Variants in CNOT4 observed in about 807,000 individuals in gnomAD.
CNOT4 encodes the protein CCR4-NOT transcription complex subunit 4, also known as CCR4-associated factor 4.
A neutral mutation model predicts 73.8 loss-of-function variants in CNOT4; 8 were observed. That is an observed-to-expected ratio of 0.11 (90% CI 0.06 to 0.20). The LOEUF is 0.20. Among genes scored for constraint, CNOT4 ranks in the 10% least tolerant of loss-of-function variants. The pLI is 1.00. For synonymous variants in CNOT4, 293 were observed against 321.1 expected (o/e 0.91, Z 0.94); for missense variants, 564 against 883.4 (o/e 0.64, Z 4.58).
chr7:135,461,475 T>C (rs1023793371), intron 1 of CNOT4, among the ~76,000 whole-genome samples: 1 of 152,068 alleles, frequency 6.6e-6, no homozygotes, highest in African/African-American at 2.4e-5. Flanking sequence ...ATAAATATCA[T>C]CATCGAATTG....
In CNOT4 at chr7:135,363,687, G is replaced by A. The variant is rs551424699; in HGVS notation, c.1840+167C>T. ...CTTCTTATTAATACACAACTAGGCC[G>A]ACAGGTTAAATGAGACTTGCATGAC... On this transcript the variant is annotated intron_variant, in intron 11 of 11. Transcript: ENST00000541284. This position sits in a 1 kb window ranked among gnomAD's most constrained non-coding sequence, Gnocchi z 4.3. Among the ~76,000 whole-genome samples, 8 of 152,146 alleles carry A rather than the reference G, an allele frequency of 5.3e-5. No homozygotes were observed. The East Asian group carries it at 5.8e-4, about 11-fold the overall frequency.
intron 10 of CNOT4, chr7:135,388,986 A>G: frequency 8.5e-7 from 1 of 1,170,830 alleles, no homozygotes; most frequent in Non-Finnish European, 1.2e-6. Flanking sequence ...ATACTGATAC[A>G]TATATAAAAT....
intron 1 of CNOT4, among the ~76,000 whole-genome samples, chr7:135,465,754 T>A (rs564310368): frequency 2.8e-3 from 420 of 152,122 alleles, no homozygotes; most frequent in Non-Finnish European, 4.4e-3. Context: ...TTTTTTTTTT[T>A]AATTAAAATA....
At chr7:135,388,070 G>A (rs1355542386) in intron 10 of CNOT4, 3 of 985,250 alleles carry the variant, frequency 3.0e-6, no homozygotes, top group Non-Finnish European at 2.4e-6. Flanking sequence ...ACTATAAACT[G>A]AAGTTCTGTT....
At chr7:135,503,067 C>T (rs560600028) in intron 1 of CNOT4, among the ~76,000 whole-genome samples, 19 of 152,102 alleles carry the variant, frequency 1.2e-4, no homozygotes, top group Admixed American at 4.6e-4. Context: ...GCAGGAGAAC[C>T]GCTTGAACCC....
chr7:135,474,915 C>A (rs1451467539), intron 1 of CNOT4, among the ~76,000 whole-genome samples: 2 of 151,944 alleles, frequency 1.3e-5, no homozygotes, highest in African/African-American at 4.8e-5. Flanking sequence ...ATCCTCTGAT[C>A]TAGTAAGTTC....
intron 8 of CNOT4, among the ~76,000 whole-genome samples, chr7:135,396,204 G>T (rs1434351467): frequency 6.8e-6 from 1 of 146,140 alleles, no homozygotes; most frequent in Non-Finnish European, 1.5e-5. Context: ...TGCAACCTCG[G>T]CCTCCGGGGT....
intron 2 of CNOT4, among the ~76,000 whole-genome samples, chr7:135,430,005 C>A (rs1798721294): frequency 6.6e-6 from 1 of 152,208 alleles, no homozygotes; most frequent in South Asian, 2.1e-4. Flanking sequence ...CAGAGGTCTA[C>A]ATACAGGAAT....
At position 135,437,963 on chromosome 7, in the gene CNOT4, T is replaced by C. The variant is rs78219636; in HGVS notation, c.174+195A>G. Among the ~76,000 whole-genome samples the C allele has an allele frequency of 2.8e-3, 433 of 152,256 alleles. 14 individuals carry two copies. In the East Asian group the frequency reaches 0.054, roughly 19 times the overall value. On this transcript the variant is annotated intron_variant, in intron 2 of 11. Coordinates refer to ENST00000541284, the MANE Select transcript of CNOT4 (RefSeq NM_001190850.2). Reference sequence around the variant, plus strand: ...GACTTTACAAAGATCATACAGCTAGTAAACAAAGCCAAGACGTGGCCCTGA... The same window carrying C: ...GACTTTACAAAGATCATACAGCTAGCAAACAAAGCCAAGACGTGGCCCTGA...
intron 1 of CNOT4, among the ~76,000 whole-genome samples, chr7:135,478,667 C>T (rs1585708091): frequency 6.6e-6 from 1 of 152,180 alleles, no homozygotes; most frequent in Non-Finnish European, 1.5e-5. Context: ...CGCACCACTG[C>T]ACTTCAGCCT....
intron 10 of CNOT4, among the ~76,000 whole-genome samples, chr7:135,371,752 TAA>T (rs1403769410): frequency 2.0e-5 from 3 of 151,862 alleles, no homozygotes; most frequent in African/African-American, 7.3e-5. Context: ...CAAAGTTATA[TAA>T]AAAAAGAGGA....
At chr7:135,483,343 A>AAT (rs1554443629) in intron 1 of CNOT4, among the ~76,000 whole-genome samples, 3 of 152,006 alleles carry the variant, frequency 2.0e-5, no homozygotes, top group African/African-American at 7.2e-5. Flanking sequence ...GTCTCAAAAA[A>AAT]AAAAATAAAA....
At chr7:135,424,516 G>A (rs184290386) in intron 2 of CNOT4, among the ~76,000 whole-genome samples, 53 of 152,138 alleles carry the variant, frequency 3.5e-4, no homozygotes, top group African/African-American at 1.3e-3. Flanking sequence ...CAGGCGCGGT[G>A]GCTCACGCCT....
intron 1 of CNOT4, among the ~76,000 whole-genome samples, chr7:135,503,718 T>G (rs1370468078): frequency 2.0e-5 from 3 of 152,144 alleles, no homozygotes; most frequent in Non-Finnish European, 2.9e-5. Flanking sequence ...GCAGAAAGAT[T>G]TAATGCAGAA....
At chr7:135,404,992 A>G (rs1287932157) in intron 7 of CNOT4, among the ~76,000 whole-genome samples, 1 of 152,200 alleles carries the variant, frequency 6.6e-6, no homozygotes, top group African/African-American at 2.4e-5. Flanking sequence ...AATTTGATTT[A>G]TGTTTTAAAA....
At chr7:135,494,561 C>T (rs1474611861) in intron 1 of CNOT4, among the ~76,000 whole-genome samples, 1 of 150,512 alleles carries the variant, frequency 6.6e-6, no homozygotes, top group African/African-American at 2.4e-5. Context: ...CTTATTAATC[C>T]AACAAGCAAA....
intron 3 of CNOT4, among the ~76,000 whole-genome samples, chr7:135,416,546 T>C (rs1797882392): frequency 6.6e-6 from 1 of 152,072 alleles, no homozygotes; most frequent in Non-Finnish European, 1.5e-5. Context: ...GTCTCAGGGT[T>C]GATAAAGAGA....
chr7:135,489,481 C>T (rs543210217), intron 1 of CNOT4, among the ~76,000 whole-genome samples: 3 of 151,010 alleles, frequency 2.0e-5, no homozygotes, highest in East Asian at 3.9e-4. Flanking sequence ...CTGCAACCTC[C>T]GCTTCCCCAG....
At chr7:135,473,337 G>A (rs1433796821) in intron 1 of CNOT4, among the ~76,000 whole-genome samples, 2 of 152,010 alleles carry the variant, frequency 1.3e-5, no homozygotes, top group African/African-American at 2.4e-5. Flanking sequence ...AAAAAGTGGA[G>A]CTACCCTAAT....
Sources: gnomAD v4.1 joint callset for allele counts (sites outside exome capture counted in the v4.1 genomes callset) on GRCh38, gnomAD v4.1.1 for gene constraint, Gnocchi (gnomAD v3.1) non-coding constraint, MANE v1.5 for transcripts, NCBI Gene and HGNC (gene_info 2026-07-23, HGNC 2026-07-21) for gene names.